Variants in ESR1 observed in about 807,000 individuals in gnomAD.
The protein encoded by ESR1 is estrogen receptor.
Under a neutral mutation model 52.7 loss-of-function variants are expected in ESR1, and 12 were observed. The observed-to-expected ratio is 0.23, with a 90% CI of 0.15 to 0.37. The LOEUF (loss-of-function observed/expected upper bound fraction) is 0.37, where lower values mean the gene tolerates loss of function less well. Ranked by LOEUF, ESR1 falls within the 10% of genes least tolerant of loss-of-function variation. The probability of loss-of-function intolerance (pLI) is 1.00; values close to 1 mark genes in which losing one functional copy is unlikely to be tolerated. For missense variants in ESR1, 584 were observed against 779.7 expected, an observed-to-expected ratio of 0.75 and a Z score of 2.99; for synonymous variants, 305 against 316.8, an observed-to-expected ratio of 0.96 and a Z score of 0.39.
chr6:152,025,929 T>C (rs2044112606), intron 5 of ESR1, among the ~76,000 whole-genome samples: 1 of 152,040 alleles, frequency 6.6e-6, no homozygotes, highest in African/African-American at 2.4e-5. Context: ...TATTATTATT[T>C]CCTAAAAATT....
At chr6:151,962,651 C>A (rs2037805002) in intron 4 of ESR1, among the ~76,000 whole-genome samples, 1 of 152,222 alleles carries the variant, frequency 6.6e-6, no homozygotes, top group Non-Finnish European at 1.5e-5. Context: ...ACCACAGCCC[C>A]CTATCTCGCC....
intron 2 of ESR1, among the ~76,000 whole-genome samples, chr6:151,707,427 A>C (rs117792649): frequency 0.013 from 1,990 of 152,112 alleles, 25 homozygotes; most frequent in Non-Finnish European, 0.021. Flanking sequence ...AAAATCTAAG[A>C]TACAACACAA....
chr6:151,694,178 A>G (rs1779152688), intron 1 of ESR1, among the ~76,000 whole-genome samples: 1 of 152,242 alleles, frequency 6.6e-6, no homozygotes, highest in East Asian at 1.9e-4. Flanking sequence ...TAACATGCCC[A>G]ATATTACACA....
At chr6:152,106,484 A>G (rs1400136721), downstream of ESR1, among the ~76,000 whole-genome samples, 1 of 152,172 alleles carries the variant, frequency 6.6e-6, no homozygotes, top group Non-Finnish European at 1.5e-5. Flanking sequence ...TTATCTGGTA[A>G]TATATTAATT....
chr6:151,705,413 T>C (rs1326604646), intron 2 of ESR1, among the ~76,000 whole-genome samples: 1 of 152,030 alleles, frequency 6.6e-6, no homozygotes, highest in East Asian at 1.9e-4. Flanking sequence ...ATTTTGGGGG[T>C]TTCTAAACAC....
chr6:151,960,674 A>C (rs2037550746), intron 4 of ESR1, among the ~76,000 whole-genome samples: 1 of 152,242 alleles, frequency 6.6e-6, no homozygotes. Flanking sequence ...ATGAGGACTC[A>C]TTGCAGGACT....
intron 5 of ESR1, among the ~76,000 whole-genome samples, chr6:152,024,475 A>G (rs1322235663): frequency 6.6e-6 from 1 of 151,638 alleles, no homozygotes; most frequent in Admixed American, 6.6e-5. Flanking sequence ...AAGTACTGAT[A>G]TCTCCATGAC....
At chr6:151,838,702 A>G (rs913317652) in intron 1 of ESR1, among the ~76,000 whole-genome samples, 6 of 152,186 alleles carry the variant, frequency 3.9e-5, no homozygotes, top group Non-Finnish European at 5.9e-5. Context: ...GTCTGGGCCA[A>G]AATGATAATT....
intron 2 of ESR1, among the ~76,000 whole-genome samples, chr6:151,878,181 A>AAAG (rs1333214064): frequency 2.0e-5 from 3 of 152,220 alleles, no homozygotes; most frequent in African/African-American, 7.2e-5. Flanking sequence ...ACAGGAGACT[A>AAAG]AACACTGAAA....
upstream of ESR1, chr6:151,807,609 G>A (rs1778083110): frequency 1.9e-5 from 10 of 526,362 alleles, no homozygotes; most frequent in Admixed American, 3.2e-5. Flanking sequence ...GTCCCTGGCC[G>A]TCCTCCAGCA....
At chr6:151,799,821 G>A (rs761065605), upstream of ESR1, among the ~76,000 whole-genome samples, 157 of 152,200 alleles carry the variant, frequency 1.0e-3, 1 homozygote, top group Non-Finnish European at 2.0e-3. Context: ...GAAAAGGGAT[G>A]GGAGGAAGAT....
intron 4 of ESR1, among the ~76,000 whole-genome samples, chr6:152,010,187 A>T (rs1451546975): frequency 6.6e-6 from 1 of 152,144 alleles, no homozygotes; most frequent in Admixed American, 6.6e-5. Context: ...GAATTATCTG[A>T]AAGATGATAC....
chr6:152,112,059 TGGA>T (rs2051152796), intron 6 of ESR1, among the ~76,000 whole-genome samples: 1 of 152,182 alleles, frequency 6.6e-6, no homozygotes, highest in Admixed American at 6.5e-5. Context: ...GTCAAAAGAT[TGGA>T]GGTTTGGATG....
chr6:151,713,420 C>A (rs186065278), intron 2 of ESR1, among the ~76,000 whole-genome samples: 2 of 152,302 alleles, frequency 1.3e-5, no homozygotes, highest in Admixed American at 1.3e-4. Context: ...ATGGTACCAG[C>A]TCCTCTTTGT....
intron 2 of ESR1, among the ~76,000 whole-genome samples, chr6:151,850,282 A>G (rs1052482021): frequency 2.0e-5 from 3 of 150,148 alleles, no homozygotes; most frequent in Non-Finnish European, 4.4e-5. Flanking sequence ...TACTTCCAGT[A>G]TATACTTCAG....
rs940133436 is a variant in ESR1, at chr6:152,082,325, T to C, written c.1370-12060T>C. Among the ~76,000 whole-genome samples, 10 of 152,284 alleles carry C rather than the reference T, an allele frequency of 6.6e-5. No individual in the cohort carries two copies. In the East Asian group the frequency reaches 1.2e-3, roughly 18 times the overall value. On this transcript the variant is annotated intron_variant, in intron 6 of 7. Coordinates refer to ENST00000206249, the MANE Select transcript of ESR1 (RefSeq NM_000125.4). ...GGTTCAACATACGCAAATAAATAAATGTAATCCATCACATAAACAGAACCA... is the reference window on the plus strand; with the variant it reads ...GGTTCAACATACGCAAATAAATAAACGTAATCCATCACATAAACAGAACCA...
chr6:152,067,445 C>G (rs1457734907), intron 6 of ESR1, among the ~76,000 whole-genome samples: 3 of 152,172 alleles, frequency 2.0e-5, no homozygotes, highest in Non-Finnish European at 4.4e-5. Context: ...CTCAAGAGAA[C>G]CAACAAAGGA....
chr6:152,072,772 A>G (rs190257841), intron 6 of ESR1, among the ~76,000 whole-genome samples: 1 of 152,320 alleles, frequency 6.6e-6, no homozygotes, highest in Non-Finnish European at 1.5e-5. Context: ...ACATTTATTT[A>G]TTCTTTAAAA....
Position 151,944,175 on chromosome 6 carries a change from A to T in ESR1, c.763A>T (p.Ile255Leu), listed in dbSNP as rs2128525910. 6.2e-7 allele frequency: 1 copy of T among 1,613,318 alleles called. No individual in the cohort carries two copies. The highest frequency in any genetic ancestry group is 8.5e-7 in the Non-Finnish European group (1 of 1,179,458). ...TTTTTTTCCACCTGTGTTTTCAGGG[A>T]TACGAAAAGACCGAAGAGGAGGGAG... Reference protein sequence around the residue: ...CYEVGMMKGGIRKDRRGGRML... With the variant: ...CYEVGMMKGGLRKDRRGGRML... Residue 255 changes from isoleucine (I) to leucine (L), a missense_variant and splice_region_variant, in exon 4 of 8, where the codon ATA (isoleucine) becomes TTA (leucine). This residue lies in a region of ESR1 where 88 missense variants were observed against 88.3 expected (regional missense o/e 1.00). Coordinates refer to ENST00000206249, the MANE Select transcript of ESR1 (RefSeq NM_000125.4).
Sources: gnomAD v4.1 joint callset for allele counts (sites outside exome capture counted in the v4.1 genomes callset) on GRCh38, gnomAD v4.1.1 for gene constraint, gnomAD v4.1.1 regional missense constraint, MANE v1.5 for transcripts, NCBI Gene and HGNC (gene_info 2026-07-23, HGNC 2026-07-21) for gene names.